MYO3B: variants seen among roughly 807,000 people sequenced by gnomAD.
MYO3B encodes myosin IIIB, also known as myosin-IIIb.
MYO3B carries 156 observed loss-of-function variants against 174.6 expected under a neutral mutation model. The ratio of observed to expected loss-of-function variants is 0.89; its 90% confidence interval spans 0.78 to 1.02. MYO3B has a LOEUF of 1.02. Ranked by LOEUF, MYO3B falls within the 50% of genes least tolerant of loss-of-function variation. MYO3B has a pLI of 0.00. For synonymous variants in MYO3B, 563 were observed against 569.1 expected (o/e 0.99, Z 0.15); for missense variants, 1,632 against 1,639.4 (o/e 1.00, Z 0.08).
intron 6 of MYO3B, among the ~76,000 whole-genome samples, chr2:170,220,522 G>A (rs1452550503): frequency 2.0e-5 from 3 of 148,284 alleles, no homozygotes; most frequent in Non-Finnish European, 3.0e-5. Context: ...CCAGCTACTC[G>A]GGAGGCTGAG....
At position 170,387,623 on chromosome 2, in the gene MYO3B, G is replaced by A. The variant is rs1002732079; in HGVS notation, c.1577+315G>A. On this transcript the variant is annotated intron_variant, in intron 14 of 34. Coordinates refer to ENST00000408978, the MANE Select transcript of MYO3B (RefSeq NM_138995.5). ...GAGGCCCCTTAAAATTGAACTTGTT[G>A]GTTAAAAAAGAAAAAGACACCAAGA... is the stretch of plus-strand genomic sequence containing the variant. 3.9e-5 allele frequency among the ~76,000 whole-genome samples: 6 copies of A among 152,022 alleles called. No individual in the cohort carries two copies. In the East Asian group the frequency reaches 9.6e-4, roughly 24 times the overall value.
intron 7 of MYO3B, among the ~76,000 whole-genome samples, chr2:170,327,271 A>G (rs1342585592): frequency 1.3e-5 from 2 of 152,134 alleles, no homozygotes; most frequent in Non-Finnish European, 2.9e-5. Context: ...TGTATTCCCA[A>G]CTACTCGGGA....
intron 32 of MYO3B, among the ~76,000 whole-genome samples, chr2:170,622,414 G>A (rs974130543): frequency 6.6e-6 from 1 of 152,076 alleles, no homozygotes; most frequent in African/African-American, 2.4e-5. Context: ...ATACATGCTT[G>A]CTTAAAAAAC....
At chr2:170,451,832 C>G (rs929441028) in intron 23 of MYO3B, among the ~76,000 whole-genome samples, 17 of 152,124 alleles carry the variant, frequency 1.1e-4, no homozygotes, top group Admixed American at 8.5e-4. Context: ...TAAGCAGGCA[C>G]AGCTGGAAGG....
intron 32 of MYO3B, among the ~76,000 whole-genome samples, chr2:170,625,130 C>T (rs1696296348): frequency 6.6e-6 from 1 of 152,186 alleles, no homozygotes; most frequent in African/African-American, 2.4e-5. Flanking sequence ...GGAATAGTTT[C>T]AGAAGGAATG....
At chr2:170,652,186 T>TCTAA in intron 34 of MYO3B, 32 bp downstream of exon 34, 1 of 1,599,164 alleles carries the variant, frequency 6.3e-7, no homozygotes, top group Middle Eastern at 1.7e-4. Context: ...TCTAAGCAAC[T>TCTAA]GTAAACAGAA....
At chr2:170,648,910 T>A (rs1341261305) in intron 32 of MYO3B, among the ~76,000 whole-genome samples, 5 of 71,018 alleles carry the variant, frequency 7.0e-5, no homozygotes, top group Non-Finnish European at 1.3e-4. Flanking sequence ...GTATATAAAA[T>A]ATATATAATA....
chr2:170,274,111 C>T (rs116252277), intron 7 of MYO3B, among the ~76,000 whole-genome samples: 2,856 of 149,996 alleles, frequency 0.019, 35 homozygotes, highest in Non-Finnish European at 0.028. Context: ...AGAGAGAGAT[C>T]AAGACTGAGA....
chr2:170,390,245 A>G (rs2094402693), intron 14 of MYO3B, among the ~76,000 whole-genome samples: 1 of 152,196 alleles, frequency 6.6e-6, no homozygotes, highest in Non-Finnish European at 1.5e-5. Flanking sequence ...CCTGTGCAAC[A>G]TAGTGAGACT....
At chr2:170,382,954 G>C in intron 10 of MYO3B, 119 bp from the exon 11 acceptor site, 2 of 675,370 alleles carry the variant, frequency 3.0e-6, no homozygotes, top group Non-Finnish European at 5.3e-6. Context: ...TGATTTAAAT[G>C]GACTACTTTC....
intron 7 of MYO3B, among the ~76,000 whole-genome samples, chr2:170,263,930 G>A (rs372857986): frequency 2.6e-5 from 4 of 152,104 alleles, no homozygotes; most frequent in Non-Finnish European, 4.4e-5. Flanking sequence ...TATCACATGT[G>A]GGGGAAACCT....
chr2:170,461,529 A>G (rs926841879), intron 23 of MYO3B, among the ~76,000 whole-genome samples: 2 of 150,998 alleles, frequency 1.3e-5, no homozygotes, highest in African/African-American at 4.9e-5. Context: ...TAATCCTAGC[A>G]CTTTGGGAGG....
intron 32 of MYO3B, among the ~76,000 whole-genome samples, chr2:170,583,040 A>C (rs1292274101): frequency 6.6e-6 from 1 of 151,736 alleles, no homozygotes; most frequent in Non-Finnish European, 1.5e-5. Context: ...GCCACACTGC[A>C]GAGTCTACCC....
chr2:170,655,126 C>T lies in MYO3B; in HGVS notation c.*2005C>T, dbSNP rs1699209453. On this transcript the variant is annotated 3_prime_UTR_variant, in exon 35 of 35. Transcript: ENST00000408978. ...GTAATTCTAAACCTGGCTTGTTTCT[C>T]ATTTAAATATATCTATAAATAAACT... 6.6e-6 allele frequency: 1 copy of T among 152,080 alleles called. No individual in the cohort carries two copies. The highest frequency in any genetic ancestry group is 2.1e-4 in the South Asian group (1 of 4,826). 9.4% of individuals were successfully genotyped at this position (152,080 alleles called of 1,614,324 possible).
chr2:170,502,015 C>G, intron 28 of MYO3B, 150 bp downstream of exon 28: 1 of 599,608 alleles, frequency 1.7e-6, no homozygotes, highest in Non-Finnish European at 2.9e-6. Flanking sequence ...TCTGACCCTC[C>G]TTGTGTGATA....
chr2:170,493,328 T>G (rs1686611329), intron 25 of MYO3B, among the ~76,000 whole-genome samples: 1 of 152,330 alleles, frequency 6.6e-6, no homozygotes, highest in African/African-American at 2.4e-5. Context: ...TTAACTTTAC[T>G]CTTTCTTGTT....
At chr2:170,510,495 AG>A (rs892375446) in intron 28 of MYO3B, among the ~76,000 whole-genome samples, 1 of 152,228 alleles carries the variant, frequency 6.6e-6, no homozygotes, top group Non-Finnish European at 1.5e-5. Flanking sequence ...GAAACTTTTA[AG>A]GGGGGTGTGT....
At chr2:170,564,308 A>G (rs1372644684) in intron 32 of MYO3B, among the ~76,000 whole-genome samples, 1 of 152,068 alleles carries the variant, frequency 6.6e-6, no homozygotes, top group Non-Finnish European at 1.5e-5. Context: ...CCCCATCTCT[A>G]CTAAAAATAC....
chr2:170,442,317 AG>A (rs2094806579), intron 22 of MYO3B, among the ~76,000 whole-genome samples: 1 of 152,136 alleles, frequency 6.6e-6, no homozygotes, highest in African/African-American at 2.4e-5. Flanking sequence ...CCATAATAGC[AG>A]GTATGTAGAG....
Sources: allele counts gnomAD v4.1 joint callset (sites outside exome capture counted in the v4.1 genomes callset), GRCh38; gene constraint gnomAD v4.1.1; transcripts MANE v1.5; gene names NCBI Gene and HGNC (gene_info 2026-07-23, HGNC 2026-07-21).